UNC13C: variants seen among roughly 807,000 people sequenced by gnomAD.
UNC13C encodes the protein protein unc-13 homolog C.
UNC13C carries 174 observed loss-of-function variants against 245.4 expected under a neutral mutation model. The ratio of observed to expected loss-of-function variants is 0.71; its 90% CI spans 0.63 to 0.80. The LOEUF is 0.80. Ranked by LOEUF, UNC13C falls within the 30% of genes least tolerant of loss-of-function variation. The pLI, the probability that UNC13C is intolerant of heterozygous loss-of-function variation, is 0.00. For missense variants in UNC13C, 2,829 were observed against 2,602.9 expected (o/e 1.09, Z -1.89); for synonymous variants, 992 against 895.1 (o/e 1.11, Z -1.93).
intron 4 of UNC13C, among the ~76,000 whole-genome samples, chr15:54,210,894 A>G (rs1412213846): frequency 6.6e-6 from 1 of 152,164 alleles, no homozygotes; most frequent in African/African-American, 2.4e-5. Flanking sequence ...AAGCAAGTCA[A>G]GCCAAACTTT....
chr15:54,592,348 TG>T (rs1454666737), intron 30 of UNC13C, among the ~76,000 whole-genome samples: 2 of 152,216 alleles, frequency 1.3e-5, no homozygotes, highest in African/African-American at 4.8e-5. Context: ...ATTGTTTCTT[TG>T]TCGACTTTCT....
At chr15:54,310,807 C>T (rs1487227951) in intron 13 of UNC13C, among the ~76,000 whole-genome samples, 3 of 151,684 alleles carry the variant, frequency 2.0e-5, no homozygotes, top group East Asian at 2.0e-4. Flanking sequence ...CACACACATG[C>T]ACACACACTT....
intron 2 of UNC13C, among the ~76,000 whole-genome samples, chr15:54,026,081 CTTAATG>C (rs150087709): frequency 0.016 from 2,428 of 152,220 alleles, 76 homozygotes; most frequent in African/African-American, 0.056. Flanking sequence ...TGATAATTTA[CTTAATG>C]TTTAAGAAAG....
At chr15:54,146,924 A>T (rs2032284164) in intron 4 of UNC13C, among the ~76,000 whole-genome samples, 1 of 152,228 alleles carries the variant, frequency 6.6e-6, no homozygotes, top group South Asian at 2.1e-4. Context: ...GAAATTGACT[A>T]TAATGAGGCT....
intron 4 of UNC13C, among the ~76,000 whole-genome samples, chr15:54,218,229 C>G (rs1465097731): frequency 1.3e-5 from 2 of 151,986 alleles, no homozygotes; most frequent in African/African-American, 4.8e-5. Flanking sequence ...TCAACCCACA[C>G]ATGTGCTGGC....
At chr15:53,957,006 C>T in the UNC13C span, among the ~76,000 whole-genome samples, 3 of 151,944 alleles carry the variant, frequency 2.0e-5, no homozygotes, top group Non-Finnish European at 1.5e-5. Context: ...CTGATATTAT[C>T]TTCATAGAAA....
chr15:54,415,086 A>G lies in UNC13C; in HGVS notation c.4933+19A>G, dbSNP rs2040492116. 1.3e-6 allele frequency: 2 copies of G among 1,540,724 alleles called. No homozygotes were observed. The highest frequency in any genetic ancestry group is 1.7e-5 in the Admixed American group (1 of 57,320). On this transcript the variant is annotated intron_variant, in intron 19 of 32. Transcript: ENST00000260323. ...TTAGAAGGTAATTATAAATATTTATACTTATTCGAATACATGTTAGAGTTA... is the reference window on the plus strand; with the variant it reads ...TTAGAAGGTAATTATAAATATTTATGCTTATTCGAATACATGTTAGAGTTA...
chr15:54,504,748 G>A (rs1403478308), intron 22 of UNC13C, among the ~76,000 whole-genome samples: 5 of 152,122 alleles, frequency 3.3e-5, no homozygotes, highest in African/African-American at 4.8e-5. Context: ...TGCATAAAAT[G>A]TGAATGAAAA....
intron 2 of UNC13C, among the ~76,000 whole-genome samples, chr15:54,139,335 T>C (rs890287819): frequency 1.3e-5 from 2 of 152,096 alleles, no homozygotes; most frequent in African/African-American, 4.8e-5. Flanking sequence ...ATGTTTTAAC[T>C]AGTTCCGTCT....
intron 2 of UNC13C, among the ~76,000 whole-genome samples, chr15:54,105,952 AG>A (rs1900423016): frequency 6.6e-6 from 1 of 152,196 alleles, no homozygotes; most frequent in Non-Finnish European, 1.5e-5. Context: ...GCAGAGTTGC[AG>A]TTCAGTTCTA....
intron 29 of UNC13C, among the ~76,000 whole-genome samples, chr15:54,560,193 A>C (rs1284534409): frequency 6.6e-6 from 1 of 151,956 alleles, no homozygotes; most frequent in Non-Finnish European, 1.5e-5. Context: ...GAAAGAACAA[A>C]GTAATGATGG....
intron 26 of UNC13C, among the ~76,000 whole-genome samples, chr15:54,544,536 AT>A (rs1896401057): frequency 6.6e-6 from 1 of 152,240 alleles, no homozygotes; most frequent in South Asian, 2.1e-4. Flanking sequence ...ATGATTGTAT[AT>A]TTGGAAAACC....
chr15:54,487,777 A>G (rs1258291777), intron 19 of UNC13C, among the ~76,000 whole-genome samples: 1 of 98,076 alleles, frequency 1.0e-5, no homozygotes, highest in African/African-American at 3.7e-5. Flanking sequence ...AAAAAAAAAA[A>G]AAAAAAAAAA....
intron 2 of UNC13C, among the ~76,000 whole-genome samples, chr15:54,138,693 A>C (rs1238380224): frequency 6.6e-6 from 1 of 151,954 alleles, no homozygotes; most frequent in Non-Finnish European, 1.5e-5. Context: ...ATTTTTTAGT[A>C]TTTAAATTGT....
chr15:54,552,342 AATTAT>A (rs1356952836), intron 28 of UNC13C, among the ~76,000 whole-genome samples: 50 of 119,356 alleles, frequency 4.2e-4, no homozygotes, highest in Middle Eastern at 4.7e-3. Context: ...TATTATATAC[AATTAT>A]ATTATATATT....
intron 17 of UNC13C, among the ~76,000 whole-genome samples, chr15:54,387,655 A>C (rs1236364960): frequency 6.6e-6 from 1 of 152,170 alleles, no homozygotes; most frequent in Non-Finnish European, 1.5e-5. Flanking sequence ...AGATTTCCTT[A>C]TCTCAGAATT....
intron 4 of UNC13C, among the ~76,000 whole-genome samples, chr15:54,226,706 A>T (rs1354727559): frequency 6.6e-6 from 1 of 152,150 alleles, no homozygotes; most frequent in African/African-American, 2.4e-5. Context: ...CTGGCCGCTG[A>T]GGCAGGGCAG....
chr15:54,075,049 C>A (rs1444284902), intron 2 of UNC13C, among the ~76,000 whole-genome samples: 2 of 152,070 alleles, frequency 1.3e-5, no homozygotes, highest in Non-Finnish European at 2.9e-5. Flanking sequence ...GACCTGTGCT[C>A]CAACATTTAC....
chr15:54,060,902 G>C (rs77828150), intron 2 of UNC13C, among the ~76,000 whole-genome samples: 54 of 152,078 alleles, frequency 3.6e-4, no homozygotes, highest in Admixed American at 2.6e-4. Flanking sequence ...TCACTCATAG[G>C]TGGGAATTGA....
Sources: gnomAD v4.1 joint callset for allele counts (sites outside exome capture counted in the v4.1 genomes callset) on GRCh38, gnomAD v4.1.1 for gene constraint, MANE v1.5 for transcripts, NCBI Gene and HGNC (gene_info 2026-07-23, HGNC 2026-07-21) for gene names.